Variants in LRRC3B observed in about 807,000 individuals in gnomAD.
The protein encoded by LRRC3B is leucine rich repeat containing 3B.
A neutral mutation model predicts 12.8 loss-of-function variants in LRRC3B; 2 were observed. The observed-to-expected ratio is 0.16, with a 90% CI of 0.06 to 0.49. The LOEUF (loss-of-function observed/expected upper bound fraction) is 0.49. Among genes scored for constraint, LRRC3B ranks in the 20% least tolerant of loss-of-function variants. The probability of loss-of-function intolerance (pLI) is 0.96; values close to 1 mark genes in which losing one functional copy is unlikely to be tolerated. For missense variants in LRRC3B, 189 were observed against 319.4 expected, an observed-to-expected ratio of 0.59 and a Z score of 3.11; for synonymous variants, 132 against 122.0, an observed-to-expected ratio of 1.08 and a Z score of -0.54.
intron 1 of LRRC3B, among the ~76,000 whole-genome samples, chr3:26,671,831 T>C (rs1286547065): frequency 6.6e-6 from 1 of 152,196 alleles, no homozygotes; most frequent in African/African-American, 2.4e-5. Flanking sequence ...CCTTTAGATA[T>C]CTGTCCTAGA....
intron 1 of LRRC3B, among the ~76,000 whole-genome samples, chr3:26,664,853 G>T (rs1699566368): frequency 6.6e-6 from 1 of 151,942 alleles, no homozygotes; most frequent in South Asian, 2.1e-4. Context: ...CCACGTGTCA[G>T]TGGGTCTGAA....
At chr3:26,653,403 C>T (rs1039807761) in intron 1 of LRRC3B, among the ~76,000 whole-genome samples, 14 of 152,032 alleles carry the variant, frequency 9.2e-5, no homozygotes, top group African/African-American at 3.4e-4. Flanking sequence ...GAAATATTCT[C>T]AAAGATGAGC....
chr3:26,672,751 C>T (rs1160016622), intron 1 of LRRC3B, among the ~76,000 whole-genome samples: 1 of 152,140 alleles, frequency 6.6e-6, no homozygotes, highest in Non-Finnish European at 1.5e-5. Context: ...TTCATCTTTT[C>T]CTTTTTTGCC....
At chr3:26,639,528 T>TAAATG in intron 1 of LRRC3B, among the ~76,000 whole-genome samples, 1 of 123,598 alleles carries the variant, frequency 8.1e-6, no homozygotes, top group East Asian at 3.9e-4. Context: ...TAAATTAAAT[T>TAAATG]TAAATCTTTA....
chr3:26,636,916 C>CTT (rs1210162334), intron 1 of LRRC3B, among the ~76,000 whole-genome samples: 31 of 71,086 alleles, frequency 4.4e-4, no homozygotes, highest in African/African-American at 1.4e-3. Flanking sequence ...CTCTCTTTCT[C>CTT]TCTTTCTTTC....
intron 1 of LRRC3B, among the ~76,000 whole-genome samples, chr3:26,678,009 A>C (rs796531551): frequency 2.0e-5 from 3 of 151,950 alleles, no homozygotes; most frequent in African/African-American, 7.2e-5. Context: ...TAGAGACGAG[A>C]TCTCGCCATG....
At chr3:26,680,588 C>A (rs1255213876) in intron 1 of LRRC3B, among the ~76,000 whole-genome samples, 1 of 152,238 alleles carries the variant, frequency 6.6e-6, no homozygotes, top group Non-Finnish European at 1.5e-5. Context: ...CTCCGTCATT[C>A]CATGTCACAG....
At chr3:26,643,973 C>A (rs1277172328) in intron 1 of LRRC3B, among the ~76,000 whole-genome samples, 1 of 152,208 alleles carries the variant, frequency 6.6e-6, no homozygotes, top group East Asian at 1.9e-4. Flanking sequence ...AGCAATTTGA[C>A]CACGCTCTGC....
chr3:26,671,640 G>A (rs139840898), intron 1 of LRRC3B, among the ~76,000 whole-genome samples: 2 of 151,398 alleles, frequency 1.3e-5, no homozygotes, highest in African/African-American at 2.4e-5. Context: ...TGGTCCGCCC[G>A]CCTTGGCCTC....
intron 1 of LRRC3B, among the ~76,000 whole-genome samples, chr3:26,680,184 C>A (rs1699942803): frequency 6.6e-6 from 1 of 152,186 alleles, no homozygotes; most frequent in Admixed American, 6.5e-5. Flanking sequence ...GCAAATATTA[C>A]AAAGCCCGCC....
At chr3:26,649,435 C>T (rs796898753) in intron 1 of LRRC3B, among the ~76,000 whole-genome samples, 23 of 150,818 alleles carry the variant, frequency 1.5e-4, no homozygotes, top group Admixed American at 4.0e-4. Context: ...ATCAAGGAAG[C>T]GAAGAGAACA....
intron 1 of LRRC3B, among the ~76,000 whole-genome samples, chr3:26,682,877 T>C (rs1699999396): frequency 6.6e-6 from 1 of 152,236 alleles, no homozygotes; most frequent in Admixed American, 6.5e-5. Flanking sequence ...TGTTTCACTT[T>C]TCCATTTTGT....
intron 1 of LRRC3B, among the ~76,000 whole-genome samples, chr3:26,642,209 A>C (rs1699044447): frequency 6.6e-6 from 1 of 152,234 alleles, no homozygotes; most frequent in Non-Finnish European, 1.5e-5. Context: ...TGTGAGAGAA[A>C]GAATAAAAAA....
At chr3:26,646,067 A>G (rs1699137044) in intron 1 of LRRC3B, among the ~76,000 whole-genome samples, 1 of 152,156 alleles carries the variant, frequency 6.6e-6, no homozygotes, top group Non-Finnish European at 1.5e-5. Flanking sequence ...TGATGAATGC[A>G]GACATTCTCT....
At chr3:26,634,708 C>T (rs917859972) in intron 1 of LRRC3B, among the ~76,000 whole-genome samples, 3 of 152,144 alleles carry the variant, frequency 2.0e-5, no homozygotes, top group African/African-American at 7.2e-5. Context: ...TCTTTTGATC[C>T]CTTTCCATTC....
rs1193021548 is a variant in LRRC3B at position 26,636,867 on chromosome 3, T to TCCC, written c.-161+13630_-161+13631insCCC. ...CTCCCTCCCTCCCTCCCTCCCTCCC[T>TCCC]TCCTTCCTTCCTTCCTTCCTTTCTC... On this transcript the variant is annotated intron_variant, in intron 1 of 1. Transcript: ENST00000396641. 1.4e-3 allele frequency among the ~76,000 whole-genome samples: 130 copies of TCCC among 89,724 alleles called. 18 individuals are homozygous for TCCC. Among genetic ancestry groups the TCCC allele is most frequent in the African/African-American group, 6.6e-3 (122 of 18,396 alleles). 58.9% of individuals were successfully genotyped at this position (89,724 alleles called of 152,430 possible). A position where few individuals can be genotyped will look rare whatever the true frequency, so the allele number is the denominator to read the frequency against.
chr3:26,637,389 C>A (rs77050229), intron 1 of LRRC3B, among the ~76,000 whole-genome samples: 1,688 of 152,206 alleles, frequency 0.011, 31 homozygotes, highest in African/African-American at 0.038. Context: ...TCAAATTCAC[C>A]GTCAACTTCT....
intron 1 of LRRC3B, among the ~76,000 whole-genome samples, chr3:26,657,889 G>A (rs891704550): frequency 5.9e-5 from 9 of 152,090 alleles, no homozygotes; most frequent in Non-Finnish European, 1.3e-4. Context: ...AGGTGAGGCC[G>A]CATCTGCCTT....
At chr3:26,689,694 C>T (rs886922797) in intron 1 of LRRC3B, among the ~76,000 whole-genome samples, 1 of 152,154 alleles carries the variant, frequency 6.6e-6, no homozygotes, top group African/African-American at 2.4e-5. Context: ...AGTGGCCCAC[C>T]CCCAGGACTT....
Sources: allele counts gnomAD v4.1 joint callset (sites outside exome capture counted in the v4.1 genomes callset), GRCh38; gene constraint gnomAD v4.1.1; transcripts MANE v1.5; gene names NCBI Gene and HGNC (gene_info 2026-07-23, HGNC 2026-07-21).